Variants in KCNJ15 observed in about 807,000 individuals in gnomAD.
KCNJ15 encodes potassium inwardly rectifying channel subfamily J member 15.
KCNJ15 carries 14 observed loss-of-function variants against 23.0 expected under a neutral mutation model. The observed-to-expected ratio is 0.61, with a 90% CI of 0.40 to 0.95. The LOEUF is 0.95. Among genes scored for constraint, KCNJ15 ranks in the 40% least tolerant of loss-of-function variants. KCNJ15 has a pLI of 0.00. For missense variants in KCNJ15, 388 were observed against 461.8 expected (o/e 0.84, Z 1.46); for synonymous variants, 185 against 183.2 (o/e 1.01, Z -0.08).
Position 38,257,027 on chromosome 21 carries a change from A to G in KCNJ15, c.-275A>G, listed in dbSNP as rs1179154570. Reference sequence around the variant, plus strand: ...GTAATTCTTACTCAAACTTGTACCAACTTGTTTTTGACTGACAGTGAACAG... The same window carrying G: ...GTAATTCTTACTCAAACTTGTACCAGCTTGTTTTTGACTGACAGTGAACAG... On this transcript the variant is annotated 5_prime_UTR_variant, in exon 1 of 3. Transcript: ENST00000398938. 6.6e-6 allele frequency: 1 copy of G among 151,572 alleles called. No homozygotes were observed. The highest frequency in any genetic ancestry group is 1.5e-5 in the Non-Finnish European group (1 of 68,010). 9.4% of individuals were successfully genotyped at this position (151,572 alleles called of 1,614,324 possible).
chr21:38,275,315 G>A (rs528422376), intron 1 of KCNJ15, among the ~76,000 whole-genome samples: 38 of 151,916 alleles, frequency 2.5e-4, no homozygotes, highest in South Asian at 2.1e-3. Context: ...AGTTTAACCC[G>A]CATCACCTTT....
At chr21:38,289,427 T>C (rs1464987239) in intron 1 of KCNJ15, among the ~76,000 whole-genome samples, 1 of 151,862 alleles carries the variant, frequency 6.6e-6, no homozygotes, top group African/African-American at 2.4e-5. Flanking sequence ...GTTGAAGAAA[T>C]CTCTTTCCTA....
intron 1 of KCNJ15, among the ~76,000 whole-genome samples, chr21:38,260,089 A>G (rs1041564837): frequency 3.9e-5 from 6 of 152,170 alleles, no homozygotes. Context: ...TGGATCCTTT[A>G]TTTATAAGTT....
In KCNJ15 at chr21:38,299,933, G is replaced by C. The variant is rs1985591757; in HGVS notation, c.672G>C (p.Glu224Asp). The change falls in exon 3 of 3, where the codon GAG becomes GAC. Residue 224 changes from glutamate (E) to aspartate (D), a missense_variant. Glu to Asp is a conservative substitution (Grantham distance 45, BLOSUM62 2). Transcript: ENST00000398938. The surrounding 1 kb of genome is among the most constrained non-coding windows in gnomAD (Gnocchi z 4.5). ...GKLLQTHVTK[E>D]GERILLNQAT... The stretch of plus-strand genomic sequence containing the variant: ...TCCTGCAGACCCACGTCACCAAGGA[G>C]GGGGAGCGGATTCTCCTCAACCAAG... The C allele has an allele frequency of 1.2e-6, 2 of 1,614,014 alleles. No individual in the cohort carries two copies. Among genetic ancestry groups the C allele is most frequent in the African/African-American group, 1.3e-5 (1 of 75,032 alleles).
chr21:38,231,985 T>A (rs1978322083), intron 1 of KCNJ15, among the ~76,000 whole-genome samples: 1 of 151,850 alleles, frequency 6.6e-6, no homozygotes, highest in South Asian at 2.1e-4. Context: ...GAGCTAGGAA[T>A]TGTTTTCTAT....
upstream of KCNJ15, among the ~76,000 whole-genome samples, chr21:38,255,373 G>C (rs1356399585): frequency 6.6e-6 from 1 of 152,192 alleles, no homozygotes; most frequent in Non-Finnish European, 1.5e-5. Flanking sequence ...GTGCTTACCT[G>C]TTTTCTATGG....
chr21:38,277,776 G>A (rs4817934), intron 1 of KCNJ15, among the ~76,000 whole-genome samples: 107 of 152,276 alleles, frequency 7.0e-4, no homozygotes, highest in Non-Finnish European at 1.1e-3. Flanking sequence ...AGACAACTAC[G>A]CAGGTAATGA....
At chr21:38,290,995 A>AAC (rs57018976) in intron 1 of KCNJ15, among the ~76,000 whole-genome samples, 6,989 of 127,216 alleles carry the variant, frequency 0.055, 463 homozygotes, top group African/African-American at 0.18. Flanking sequence ...AAAAAGGCTA[A>AAC]ACACACACAC....
rs1985997755 is a variant in KCNJ15, at chr21:38,304,891, GGA to G, written c.*4503_*4504del. 1 of 151,180 alleles carries G rather than the reference GGA, an allele frequency of 6.6e-6. No individual in the cohort carries two copies. Among genetic ancestry groups the G allele is most frequent in the Non-Finnish European group, 1.5e-5 (1 of 68,304 alleles). 9.4% of individuals were successfully genotyped at this position (151,180 alleles called of 1,614,324 possible). A position where few individuals can be genotyped will look rare whatever the true frequency, so the allele number is the denominator to read the frequency against. On this transcript the variant is annotated 3_prime_UTR_variant, in exon 3 of 3. Transcript: ENST00000398938. ...AGACGGGGTTTCACCGTGTTAACCA[GGA>G]TGGTCTCGATCTCATGACCTCGTGA...
intron 1 of KCNJ15, among the ~76,000 whole-genome samples, chr21:38,237,050 G>A (rs1173003163): frequency 1.3e-5 from 2 of 152,052 alleles, no homozygotes; most frequent in African/African-American, 2.4e-5. Context: ...GTTACAAGAG[G>A]GCTGTTTGGT....
intron 1 of KCNJ15, among the ~76,000 whole-genome samples, chr21:38,247,005 G>A (rs925770538): frequency 2.0e-5 from 3 of 152,070 alleles, no homozygotes; most frequent in African/African-American, 4.8e-5. Flanking sequence ...TGGATGGATG[G>A]ATGCATAGGT....
At chr21:38,246,270 G>A (rs929110221) in intron 1 of KCNJ15, among the ~76,000 whole-genome samples, 1 of 152,170 alleles carries the variant, frequency 6.6e-6, no homozygotes, top group Non-Finnish European at 1.5e-5. Context: ...TAAGAATAAT[G>A]CCCACTGAAG....
At chr21:38,268,099 A>C (rs868607402) in intron 1 of KCNJ15, among the ~76,000 whole-genome samples, 2 of 152,238 alleles carry the variant, frequency 1.3e-5, no homozygotes, top group African/African-American at 2.4e-5. Flanking sequence ...GAATATGTTT[A>C]TAATAAAAAA....
rs1985950789 is a variant in KCNJ15, at chr21:38,303,985, A to G, written c.*3596A>G. The G allele has an allele frequency of 1.3e-5, 2 of 152,048 alleles. No individual in the cohort carries two copies. The highest frequency in any genetic ancestry group is 2.4e-5 in the African/African-American group (1 of 41,400). 9.4% of individuals were successfully genotyped at this position (152,048 alleles called of 1,614,324 possible). A position where few individuals can be genotyped will look rare whatever the true frequency, so the allele number is the denominator to read the frequency against. On this transcript the variant is annotated 3_prime_UTR_variant, in exon 3 of 3. Coordinates refer to ENST00000398938, the MANE Select transcript of KCNJ15 (RefSeq NM_170736.3). ...AGACATTTGACCACATGGCACAGTG[A>G]ATACTCTCACGCTCTCAATTTTGGC...
rs924177067 is a variant in KCNJ15 at position 38,299,014 on chromosome 21, G to A, written c.-18-230G>A. On this transcript the variant is annotated intron_variant, in intron 2 of 2. Coordinates refer to ENST00000398938, the MANE Select transcript of KCNJ15 (RefSeq NM_170736.3). This position sits in a 1 kb window ranked among gnomAD's most constrained non-coding sequence, Gnocchi z 4.5. ...TAAATAGCTTTCTGCAGGTCACACAGCTGATGAATTGCAGAGTCAGCATTT... is the reference window on the plus strand; with the variant it reads ...TAAATAGCTTTCTGCAGGTCACACAACTGATGAATTGCAGAGTCAGCATTT... 1.3e-5 allele frequency among the ~76,000 whole-genome samples: 2 copies of A among 152,190 alleles called. No homozygotes were observed. Among genetic ancestry groups the A allele is most frequent in the African/African-American group, 2.4e-5 (1 of 41,438 alleles).
chr21:38,299,867 G>A lies in KCNJ15; in HGVS notation c.606G>A (p.Met202Ile). 6.2e-7 allele frequency: 1 copy of A among 1,614,070 alleles called. No individual in the cohort carries two copies. Among genetic ancestry groups the A allele is most frequent in the Non-Finnish European group, 8.5e-7 (1 of 1,180,028 alleles). The change falls in exon 3 of 3, where the codon ATG (methionine) becomes ATA (isoleucine). Residue 202 changes from methionine (M) to isoleucine (I), a missense_variant. Coordinates refer to ENST00000398938, the MANE Select transcript of KCNJ15 (RefSeq NM_170736.3). This position sits in a 1 kb window ranked among gnomAD's most constrained non-coding sequence, Gnocchi z 4.5. ...GCTTGGTGATTCAGGTAGCCAATAT[G>A]AGGAAGAGCCTCTTGATTCAGTGCC... ...KLCLVIQVAN[M>I]RKSLLIQCQL...
At chr21:38,277,900 T>A (rs1169405605) in intron 1 of KCNJ15, among the ~76,000 whole-genome samples, 1 of 152,204 alleles carries the variant, frequency 6.6e-6, no homozygotes, top group Non-Finnish European at 1.5e-5. Context: ...TCATGAGTCA[T>A]TAAAACTTTT....
chr21:38,276,996 A>G (rs927517594), intron 1 of KCNJ15, among the ~76,000 whole-genome samples: 2 of 150,550 alleles, frequency 1.3e-5, no homozygotes, highest in Non-Finnish European at 3.0e-5. Flanking sequence ...ATTGACAATT[A>G]CTATGGTCTG....
intron 1 of KCNJ15, among the ~76,000 whole-genome samples, chr21:38,239,113 T>C (rs1978817662): frequency 6.6e-6 from 1 of 152,232 alleles, no homozygotes; most frequent in African/African-American, 2.4e-5. Context: ...ATGTTTATGG[T>C]GCTGATGGAG....
Sources: allele counts gnomAD v4.1 joint callset (sites outside exome capture counted in the v4.1 genomes callset), GRCh38; gene constraint gnomAD v4.1.1; non-coding constraint Gnocchi (gnomAD v3.1); transcripts MANE v1.5; gene names NCBI Gene and HGNC (gene_info 2026-07-23, HGNC 2026-07-21).